ALCAM: variants seen among roughly 807,000 people sequenced by gnomAD.
The protein encoded by ALCAM is activated leukocyte cell adhesion molecule, also known as CD166 antigen.
A neutral mutation model predicts 70.9 loss-of-function variants in ALCAM; 30 were observed. The ratio of observed to expected loss-of-function variants is 0.42; its 90% CI spans 0.32 to 0.57. The LOEUF is 0.57. Ranked by LOEUF, ALCAM falls within the 20% of genes least tolerant of loss-of-function variation. ALCAM has a pLI of 0.11. For missense variants in ALCAM, 591 were observed against 695.1 expected (o/e 0.85, Z 1.68); for synonymous variants, 249 against 242.5 (o/e 1.03, Z -0.25).
intron 1 of ALCAM, chr3:105,441,013 A>G (rs1937158327): frequency 6.6e-6 from 1 of 152,204 alleles, no homozygotes; most frequent in African/African-American, 2.4e-5. Flanking sequence ...AGTTTCACCT[A>G]GGGTATTTCT....
At chr3:105,473,886 GT>G (rs201995893) in intron 1 of ALCAM, among the ~76,000 whole-genome samples, 17 of 145,178 alleles carry the variant, frequency 1.2e-4, no homozygotes, top group Admixed American at 4.1e-4. Flanking sequence ...GTTTTGTTTT[GT>G]TTTTTTTTTT....
rs962822869 is a variant in ALCAM, at chr3:105,455,329, C to A, written c.74-64738C>A. On this transcript the variant is annotated intron_variant, in intron 1 of 15. Coordinates refer to ENST00000306107, the MANE Select transcript of ALCAM (RefSeq NM_001627.4). The stretch of plus-strand genomic sequence containing the variant: ...TGGTGGCGGGCGCCTGTGGTCCCAG[C>A]TACTCAGGAGGCTGAGGCAGGAGAA... 1.5e-4 allele frequency among the ~76,000 whole-genome samples: 23 copies of A among 151,558 alleles called. No homozygotes were observed. In the East Asian group the frequency reaches 4.1e-3, roughly 27 times the overall value.
intron 1 of ALCAM, among the ~76,000 whole-genome samples, chr3:105,495,882 C>G (rs1938723339): frequency 6.6e-6 from 1 of 152,178 alleles, no homozygotes; most frequent in Non-Finnish European, 1.5e-5. Flanking sequence ...GAAAACTAAA[C>G]TAGTTCTGCT....
chr3:105,377,745 T>A (rs377571596), intron 1 of ALCAM, among the ~76,000 whole-genome samples: 222 of 152,166 alleles, frequency 1.5e-3, no homozygotes, highest in African/African-American at 5.2e-3. Flanking sequence ...ATAAACTGTA[T>A]AATTATAAGC....
At chr3:105,412,618 G>T (rs1443219153) in intron 1 of ALCAM, among the ~76,000 whole-genome samples, 1 of 152,066 alleles carries the variant, frequency 6.6e-6, no homozygotes, top group Non-Finnish European at 1.5e-5. Flanking sequence ...TCTTTTACAC[G>T]TGAGATGATT....
At chr3:105,572,731 T>A (rs1302979651) in intron 15 of ALCAM, among the ~76,000 whole-genome samples, 4 of 152,072 alleles carry the variant, frequency 2.6e-5, no homozygotes, top group Non-Finnish European at 4.4e-5. Context: ...TTTTCCACAT[T>A]CTCTCAAAAC....
At chr3:105,384,727 G>A (rs1935606623) in intron 1 of ALCAM, among the ~76,000 whole-genome samples, 1 of 151,360 alleles carries the variant, frequency 6.6e-6, no homozygotes, top group South Asian at 2.1e-4. Flanking sequence ...AGTACTTTAC[G>A]AAAGAATGGC....
chr3:105,442,803 A>G (rs1469453377), intron 1 of ALCAM, among the ~76,000 whole-genome samples: 1 of 152,072 alleles, frequency 6.6e-6, no homozygotes, highest in African/African-American at 2.4e-5. Context: ...AAAGAAAGAA[A>G]TTACATTTAA....
intron 1 of ALCAM, among the ~76,000 whole-genome samples, chr3:105,393,063 G>T (rs891517799): frequency 6.6e-6 from 1 of 151,796 alleles, no homozygotes; most frequent in African/African-American, 2.4e-5. Flanking sequence ...TAGGATAACA[G>T]TTGTGCTCAT....
chr3:105,373,072 T>A (rs1935277495), intron 1 of ALCAM, among the ~76,000 whole-genome samples: 1 of 152,196 alleles, frequency 6.6e-6, no homozygotes, highest in Admixed American at 6.5e-5. Flanking sequence ...GCAAGTTTTT[T>A]ATTACATCAT....
chr3:105,401,999 A>G (rs943437590), intron 1 of ALCAM, among the ~76,000 whole-genome samples: 2 of 152,304 alleles, frequency 1.3e-5, no homozygotes, highest in Admixed American at 1.3e-4. Flanking sequence ...AAAACAGAGA[A>G]GAAAAATAGC....
chr3:105,552,210 C>A, intron 13 of ALCAM, 28 bp downstream of exon 13: 1 of 1,578,378 alleles, frequency 6.3e-7, no homozygotes, highest in Non-Finnish European at 8.6e-7. Context: ...GACTCTTCTT[C>A]CTTGACTATC....
At position 105,552,824 on chromosome 3, in the gene ALCAM, A is replaced by C. The variant is rs1372148417; in HGVS notation, c.1664+239A>C. 8.5e-6 allele frequency: 11 copies of C among 1,288,104 alleles called. No individual in the cohort carries two copies. The East Asian group carries it at 2.4e-4, about 28-fold the overall frequency. 79.8% of individuals were successfully genotyped at this position (1,288,104 alleles called of 1,614,324 possible). A position where few individuals can be genotyped will look rare whatever the true frequency, so the allele number is the denominator to read the frequency against. ...TTTATTTGTCTCAATCAATAGCCTG[A>C]ATTCAATTATTTGATTTTTTCAGTG... On this transcript the variant is annotated intron_variant, in intron 14 of 15. Transcript: ENST00000306107.
At chr3:105,437,811 A>G (rs1166209034) in intron 1 of ALCAM, among the ~76,000 whole-genome samples, 1 of 152,148 alleles carries the variant, frequency 6.6e-6, no homozygotes, top group Non-Finnish European at 1.5e-5. Context: ...TACCATACTT[A>G]AACTATTCTA....
At chr3:105,498,206 A>G (rs1218056197) in intron 1 of ALCAM, among the ~76,000 whole-genome samples, 3 of 152,138 alleles carry the variant, frequency 2.0e-5, no homozygotes, top group Admixed American at 2.0e-4. Context: ...TCAAAGTCAT[A>G]TGGCTAGGAA....
intron 1 of ALCAM, among the ~76,000 whole-genome samples, chr3:105,492,138 G>A (rs1002351518): frequency 6.6e-5 from 10 of 152,182 alleles, no homozygotes; most frequent in Middle Eastern, 3.4e-3. Context: ...TGGTGGCAGC[G>A]AGAAGAATAA....
intron 1 of ALCAM, among the ~76,000 whole-genome samples, chr3:105,460,143 T>C (rs556064581): frequency 1.4e-4 from 22 of 152,152 alleles, no homozygotes; most frequent in Admixed American, 1.4e-3. Context: ...TGAGAATTGA[T>C]TGTGCATGCA....
chr3:105,374,510 TTTTTTG>T (rs1360905507), intron 1 of ALCAM, among the ~76,000 whole-genome samples: 6 of 152,104 alleles, frequency 3.9e-5, no homozygotes, highest in African/African-American at 1.2e-4. Flanking sequence ...GTGATGCTTG[TTTTTTG>T]TTTTTGTTTT....
chr3:105,398,449 A>C lies in ALCAM; in HGVS notation c.73+30968A>C, dbSNP rs148563299. ...AATGCTACCTTATTTAGCCTAGTGAAAATGTATCATCAGTATTATGGCCTG... is the reference window on the plus strand; with the variant it reads ...AATGCTACCTTATTTAGCCTAGTGACAATGTATCATCAGTATTATGGCCTG... On this transcript the variant is annotated intron_variant, in intron 1 of 15. Transcript: ENST00000306107. Among the ~76,000 whole-genome samples the C allele has an allele frequency of 2.1e-3, 314 of 152,206 alleles. 3 individuals are homozygous for C. Among genetic ancestry groups the C allele is most frequent in the Non-Finnish European group, 3.5e-3 (241 of 68,016 alleles).
Sources: allele counts gnomAD v4.1 joint callset (sites outside exome capture counted in the v4.1 genomes callset), GRCh38; gene constraint gnomAD v4.1.1; transcripts MANE v1.5; gene names NCBI Gene and HGNC (gene_info 2026-07-23, HGNC 2026-07-21).